PALM2AKAP2: variants seen among roughly 807,000 people sequenced by gnomAD.
PALM2AKAP2 encodes PALM2 and AKAP2 fusion.
Under a neutral mutation model 71.5 loss-of-function variants are expected in PALM2AKAP2, and 37 were observed. The ratio of observed to expected loss-of-function variants is 0.52; its 90% CI spans 0.40 to 0.68. The LOEUF is 0.68. Ranked by LOEUF, PALM2AKAP2 falls within the 30% of genes least tolerant of loss-of-function variation. The pLI, the probability that PALM2AKAP2 is intolerant of heterozygous loss-of-function variation, is 0.00. For synonymous variants in PALM2AKAP2, 468 were observed against 478.8 expected, an observed-to-expected ratio of 0.98 and a Z score of 0.29; for missense variants, 1,224 against 1,191.8, an observed-to-expected ratio of 1.03 and a Z score of -0.40.
intron 2 of PALM2AKAP2, among the ~76,000 whole-genome samples, chr9:110,145,602 C>T (rs1273878672): frequency 7.9e-5 from 12 of 152,124 alleles, no homozygotes; most frequent in Admixed American, 3.3e-4. Context: ...ACCATGACTA[C>T]GTACTGTTCT....
chr9:109,964,831 A>T (rs1831916724), intron 6 of PALM2AKAP2, among the ~76,000 whole-genome samples: 1 of 152,248 alleles, frequency 6.6e-6, no homozygotes, highest in Non-Finnish European at 1.5e-5. Context: ...TGTTACAGTT[A>T]CAGATTTTCA....
chr9:110,032,783 A>C (rs1207712366), intron 7 of PALM2AKAP2, among the ~76,000 whole-genome samples: 1 of 151,612 alleles, frequency 6.6e-6, no homozygotes, highest in African/African-American at 2.4e-5. Flanking sequence ...AAATAAAAAA[A>C]CAAACAAACT....
At chr9:109,987,290 C>G (rs1832396879) in intron 6 of PALM2AKAP2, among the ~76,000 whole-genome samples, 1 of 152,084 alleles carries the variant, frequency 6.6e-6, no homozygotes, top group South Asian at 2.1e-4. Flanking sequence ...GCCACCACAC[C>G]TGGCTTATTT....
At chr9:110,130,815 G>T (rs1029061792) in intron 1 of PALM2AKAP2, among the ~76,000 whole-genome samples, 2 of 152,144 alleles carry the variant, frequency 1.3e-5, no homozygotes, top group African/African-American at 4.8e-5. Flanking sequence ...CGCTCTATTG[G>T]CATATCCCCT....
chr9:109,870,740 G>A (rs1829582106), intron 2 of PALM2AKAP2, among the ~76,000 whole-genome samples: 2 of 152,172 alleles, frequency 1.3e-5, no homozygotes, highest in Non-Finnish European at 2.9e-5. Context: ...AATTCATTTA[G>A]TGAGATGCCA....
At chr9:110,117,974 TG>T (rs1835403346) in intron 1 of PALM2AKAP2, among the ~76,000 whole-genome samples, 1 of 46,884 alleles carries the variant, frequency 2.1e-5, no homozygotes, top group Non-Finnish European at 3.6e-5. Flanking sequence ...TATGTCGTTT[TG>T]TGTGTGTGTG....
chr9:109,651,127 C>A (rs1007377084), intron 1 of PALM2AKAP2, among the ~76,000 whole-genome samples: 3 of 152,168 alleles, frequency 2.0e-5, no homozygotes, highest in African/African-American at 7.2e-5. Context: ...TGGACTCCCT[C>A]AGCTTGCCTC....
At chr9:110,064,081 G>T (rs1169516989) in intron 1 of PALM2AKAP2, among the ~76,000 whole-genome samples, 1 of 152,086 alleles carries the variant, frequency 6.6e-6, no homozygotes, top group African/African-American at 2.4e-5. Flanking sequence ...GGGTGGAGGG[G>T]GTAAGGAGCT....
chr9:110,102,720 A>C (rs1297011804), intron 1 of PALM2AKAP2, among the ~76,000 whole-genome samples: 3 of 152,134 alleles, frequency 2.0e-5, no homozygotes, highest in African/African-American at 4.8e-5. Flanking sequence ...AGGACAGAAA[A>C]ACAAGACCAC....
intron 1 of PALM2AKAP2, among the ~76,000 whole-genome samples, chr9:109,678,846 G>GT (rs975847435): frequency 3.3e-5 from 5 of 152,150 alleles, no homozygotes; most frequent in Admixed American, 1.3e-4. Context: ...AAATCAATAT[G>GT]TTTTTTCAGC....
At chr9:109,938,829 GACTA>G in intron 6 of PALM2AKAP2, among the ~76,000 whole-genome samples, 1 of 152,166 alleles carries the variant, frequency 6.6e-6, no homozygotes, top group Non-Finnish European at 1.5e-5. Context: ...AGGAGTTTGA[GACTA>G]GCCTGGTAAA....
intron 2 of PALM2AKAP2, among the ~76,000 whole-genome samples, chr9:110,146,698 G>A (rs1431467058): frequency 6.6e-6 from 1 of 152,114 alleles, no homozygotes; most frequent in Non-Finnish European, 1.5e-5. Context: ...TACTTGCTGT[G>A]TACTTCCCTA....
chr9:109,999,141 C>A (rs1274123483), intron 6 of PALM2AKAP2, among the ~76,000 whole-genome samples: 1 of 151,954 alleles, frequency 6.6e-6, no homozygotes, highest in African/African-American at 2.4e-5. Context: ...GAGTTTGAGA[C>A]CAGCCTGGCC....
chr9:110,047,410 C>T (rs1833621365), upstream of PALM2AKAP2, among the ~76,000 whole-genome samples: 1 of 152,190 alleles, frequency 6.6e-6, no homozygotes, highest in Non-Finnish European at 1.5e-5. Flanking sequence ...CTGGGTAGTT[C>T]CCAAGGGTAT....
At chr9:109,717,305 G>A (rs1828339467) in intron 1 of PALM2AKAP2, among the ~76,000 whole-genome samples, 1 of 152,144 alleles carries the variant, frequency 6.6e-6, no homozygotes, top group Admixed American at 6.5e-5. Flanking sequence ...TGGAGTTGAG[G>A]CAGTTCATGG....
In PALM2AKAP2 at chr9:109,882,981, A is replaced by G. The variant is rs1174971666; in HGVS notation, c.257+2300A>G. Among the ~76,000 whole-genome samples the G allele has an allele frequency of 1.3e-5, 2 of 152,142 alleles. 1 individual carries two copies. Among genetic ancestry groups the G allele is most frequent in the South Asian group, 4.1e-4 (2 of 4,824 alleles). ...TTTTTCTTAAGTGTCACTGGGAAAC[A>G]TGGTCTTCCAATCAAATTGGCAGTT... On this transcript the variant is annotated intron_variant, in intron 3 of 9. Transcript: ENST00000302798.
At chr9:109,645,672 G>A (rs982831900) in intron 1 of PALM2AKAP2, among the ~76,000 whole-genome samples, 1 of 152,106 alleles carries the variant, frequency 6.6e-6, no homozygotes, top group Non-Finnish European at 1.5e-5. Flanking sequence ...AATATTGCAT[G>A]TTCTCATTTA....
At chr9:109,760,106 T>C (rs73531225) in intron 1 of PALM2AKAP2, among the ~76,000 whole-genome samples, 10,923 of 152,222 alleles carry the variant, frequency 0.072, 991 homozygotes, top group African/African-American at 0.21. Flanking sequence ...TTTGCCCCTA[T>C]AGTTTTGCCT....
At chr9:110,152,244 G>GAA (rs11375924) in intron 2 of PALM2AKAP2, among the ~76,000 whole-genome samples, 21,535 of 151,678 alleles carry the variant, frequency 0.14, 1,855 homozygotes, top group Non-Finnish European at 0.19. Context: ...AAAAATGAAA[G>GAA]AAAAAAAAGT....
Sources: gnomAD v4.1 joint callset for allele counts (sites outside exome capture counted in the v4.1 genomes callset) on GRCh38, gnomAD v4.1.1 for gene constraint, MANE v1.5 for transcripts, NCBI Gene and HGNC (gene_info 2026-07-23, HGNC 2026-07-21) for gene names.